CDKAL1: variants seen among roughly 807,000 people sequenced by gnomAD.
CDKAL1 encodes the protein threonylcarbamoyladenosine tRNA methylthiotransferase.
CDKAL1 carries 32 observed loss-of-function variants against 68.2 expected under a neutral mutation model. That is an observed-to-expected ratio of 0.47 (90% confidence interval 0.35 to 0.63). The LOEUF (loss-of-function observed/expected upper bound fraction) is 0.63, where lower values mean the gene tolerates loss of function less well. Ranked by LOEUF, CDKAL1 falls within the 30% of genes least tolerant of loss-of-function variation. CDKAL1 has a pLI of 0.00. For missense variants in CDKAL1, 606 were observed against 696.7 expected, an observed-to-expected ratio of 0.87 and a Z score of 1.47; for synonymous variants, 234 against 244.3, an observed-to-expected ratio of 0.96 and a Z score of 0.39.
chr6:20,985,329 T>C (rs973486413), intron 10 of CDKAL1, among the ~76,000 whole-genome samples: 3 of 152,184 alleles, frequency 2.0e-5, no homozygotes, highest in South Asian at 2.1e-4. Context: ...GTTTCACTCT[T>C]GTTGCCCAGG....
intron 11 of CDKAL1, among the ~76,000 whole-genome samples, chr6:21,004,658 C>T (rs979398733): frequency 6.6e-6 from 1 of 152,056 alleles, no homozygotes; most frequent in African/African-American, 2.4e-5. Flanking sequence ...CGGTGCAATT[C>T]TGGTTTTAGA....
chr6:21,086,118 A>G (rs1410633282), intron 12 of CDKAL1, among the ~76,000 whole-genome samples: 1 of 152,172 alleles, frequency 6.6e-6, no homozygotes, highest in Admixed American at 6.5e-5. Context: ...TCTTCATGCC[A>G]ACCCTGTGGG....
intron 6 of CDKAL1, among the ~76,000 whole-genome samples, chr6:20,743,721 T>C (rs9358363): frequency 0.84 from 128,274 of 152,120 alleles, 54,110 homozygotes; most frequent in East Asian, 0.88. Context: ...ATAACAACAT[T>C]GAAACCAGAA....
At chr6:20,785,216 A>G (rs923647916) in intron 8 of CDKAL1, among the ~76,000 whole-genome samples, 2 of 152,110 alleles carry the variant, frequency 1.3e-5, no homozygotes, top group African/African-American at 4.8e-5. Context: ...ATCTTCCTGA[A>G]TCAGTTGCAG....
intron 5 of CDKAL1, among the ~76,000 whole-genome samples, chr6:20,714,741 C>A (rs1312539659): frequency 6.6e-6 from 1 of 151,788 alleles, no homozygotes; most frequent in Non-Finnish European, 1.5e-5. Flanking sequence ...GTTTTCCAGT[C>A]TAGAATTTTA....
intron 9 of CDKAL1, among the ~76,000 whole-genome samples, chr6:20,891,052 G>A (rs553778690): frequency 5.9e-5 from 9 of 152,122 alleles, no homozygotes; most frequent in South Asian, 2.1e-4. Context: ...CCTTTCCCCC[G>A]CTACCCTAGG....
Position 20,738,496 on chromosome 6 carries a change from T to G in CDKAL1, c.372-1023T>G, listed in dbSNP as rs113252879. On this transcript the variant is annotated intron_variant, in intron 5 of 15. Coordinates refer to ENST00000274695, the MANE Select transcript of CDKAL1 (RefSeq NM_017774.3). ...ATTTCTACTTCTTAGTTTTTTTTTT[T>G]TTTTTTTTTTGATACACAGTCTTGC... Among the ~76,000 whole-genome samples the G allele has an allele frequency of 5.3e-5, 8 of 149,874 alleles. No individual in the cohort carries two copies. In the South Asian group the frequency reaches 1.5e-3, roughly 28 times the overall value.
chr6:21,012,352 C>T (rs1304194502), intron 11 of CDKAL1, among the ~76,000 whole-genome samples: 1 of 152,106 alleles, frequency 6.6e-6, no homozygotes, highest in Non-Finnish European at 1.5e-5. Context: ...CACCATTTGT[C>T]CATTCTTCTT....
chr6:20,821,787 C>G (rs1400407256), intron 8 of CDKAL1, among the ~76,000 whole-genome samples: 1 of 152,112 alleles, frequency 6.6e-6, no homozygotes, highest in Non-Finnish European at 1.5e-5. Context: ...GGAAGTTATT[C>G]TAGTAGACTG....
intron 6 of CDKAL1, among the ~76,000 whole-genome samples, chr6:20,744,919 C>G (rs919072046): frequency 2.3e-4 from 35 of 152,132 alleles, no homozygotes; most frequent in Admixed American, 1.3e-4. Context: ...AATTATAGCT[C>G]TAGAAATTCT....
intron 4 of CDKAL1, among the ~76,000 whole-genome samples, chr6:20,647,259 T>A (rs1439957175): frequency 6.6e-6 from 1 of 152,190 alleles, no homozygotes; most frequent in Non-Finnish European, 1.5e-5. Context: ...GAGTAAGGTG[T>A]GAGTCTCAGT....
chr6:20,716,054 A>G (rs1382806020), intron 5 of CDKAL1, among the ~76,000 whole-genome samples: 3 of 152,188 alleles, frequency 2.0e-5, no homozygotes, highest in Non-Finnish European at 4.4e-5. Flanking sequence ...AGGGAAAAGG[A>G]TTTGATAGAA....
At position 20,698,791 on chromosome 6, in the gene CDKAL1, T is replaced by C. The variant is rs146028423; in HGVS notation, c.372-40728T>C. Among the ~76,000 whole-genome samples, 107 of 152,244 alleles carry C rather than the reference T, an allele frequency of 7.0e-4. 1 individual carries two copies. The East Asian group carries it at 0.02, about 29-fold the overall frequency. On this transcript the variant is annotated intron_variant, in intron 5 of 15. Coordinates refer to ENST00000274695, the MANE Select transcript of CDKAL1 (RefSeq NM_017774.3). ...GAGTCAGTCTTGTCATGGTAAAAAT[T>C]GTGGTAAAGATAAGGTGAGGGAACT... is the stretch of plus-strand genomic sequence containing the variant.
chr6:21,036,437 T>C (rs765659267), intron 11 of CDKAL1, among the ~76,000 whole-genome samples: 5 of 152,120 alleles, frequency 3.3e-5, no homozygotes, highest in Admixed American at 2.0e-4. Flanking sequence ...GGTGTTAAGC[T>C]TCTGTTTCTG....
chr6:20,733,260 T>G (rs1477476941), intron 5 of CDKAL1, among the ~76,000 whole-genome samples: 1 of 152,246 alleles, frequency 6.6e-6, no homozygotes, highest in Non-Finnish European at 1.5e-5. Flanking sequence ...CATTCTTCCC[T>G]TTTACATGAA....
At chr6:21,026,067 A>C (rs1768938827) in intron 11 of CDKAL1, among the ~76,000 whole-genome samples, 1 of 152,018 alleles carries the variant, frequency 6.6e-6, no homozygotes, top group Non-Finnish European at 1.5e-5. Context: ...TCTCGTTGTT[A>C]AACATTTGGA....
intron 15 of CDKAL1, among the ~76,000 whole-genome samples, chr6:21,227,525 T>A (rs1202081659): frequency 6.6e-6 from 1 of 152,232 alleles, no homozygotes; most frequent in East Asian, 1.9e-4. Context: ...CACAGCACAA[T>A]AGAGACAGGA....
intron 13 of CDKAL1, among the ~76,000 whole-genome samples, chr6:21,142,463 G>T (rs1256988597): frequency 6.6e-6 from 1 of 152,182 alleles, no homozygotes; most frequent in African/African-American, 2.4e-5. Context: ...TGGTGGACTG[G>T]TGGCCACCAA....
intron 4 of CDKAL1, among the ~76,000 whole-genome samples, chr6:20,565,299 G>A (rs550326721): frequency 8.5e-5 from 13 of 152,168 alleles, no homozygotes; most frequent in African/African-American, 3.1e-4. Context: ...TGCTTCTACT[G>A]TTTCCTTTAC....
Sources: allele counts gnomAD v4.1 joint callset (sites outside exome capture counted in the v4.1 genomes callset), GRCh38; gene constraint gnomAD v4.1.1; transcripts MANE v1.5; gene names NCBI Gene and HGNC (gene_info 2026-07-23, HGNC 2026-07-21).